The following RALYL variants were observed in gnomAD, a reference collection of about 807,000 sequenced individuals.
The protein encoded by RALYL is RNA-binding Raly-like protein.
Under a neutral mutation model 35.1 loss-of-function variants are expected in RALYL, and 29 were observed. The observed-to-expected ratio is 0.83, with a 90% CI of 0.61 to 1.13. The LOEUF is 1.13. Among genes scored for constraint, RALYL ranks in the 50% most tolerant of loss-of-function variants. RALYL has a pLI of 0.00. For synonymous variants in RALYL, 120 were observed against 127.6 expected (o/e 0.94, Z 0.40); for missense variants, 359 against 360.4 (o/e 1.00, Z 0.03).
intron 1 of RALYL, among the ~76,000 whole-genome samples, chr8:84,449,998 G>C (rs139806151): frequency 2.0e-5 from 3 of 151,688 alleles, no homozygotes; most frequent in African/African-American, 7.2e-5. Context: ...TGAACGCATA[G>C]AAGGCGTTCA....
chr8:84,485,578 C>CA (rs1214478402), intron 1 of RALYL, among the ~76,000 whole-genome samples: 1 of 151,994 alleles, frequency 6.6e-6, no homozygotes, highest in African/African-American at 2.4e-5. Context: ...GAGACTGCCT[C>CA]AAAACAAACA....
intron 2 of RALYL, among the ~76,000 whole-genome samples, chr8:84,766,738 A>C (rs1045550715): frequency 2.7e-5 from 4 of 148,486 alleles, no homozygotes; most frequent in African/African-American, 9.8e-5. Context: ...AAAAAAAAAA[A>C]AAAAAAAAAA....
At chr8:84,846,766 C>G (rs1834754951) in intron 4 of RALYL, among the ~76,000 whole-genome samples, 1 of 152,144 alleles carries the variant, frequency 6.6e-6, no homozygotes, top group Non-Finnish European at 1.5e-5. Flanking sequence ...AGGAATTTAT[C>G]CATTTTCTCT....
At chr8:84,335,602 A>G (rs1472772092) in intron 1 of RALYL, among the ~76,000 whole-genome samples, 1 of 151,714 alleles carries the variant, frequency 6.6e-6, no homozygotes, top group Admixed American at 6.6e-5. Flanking sequence ...AAGGAAAGCA[A>G]TCTTCTCCCC....
intron 2 of RALYL, among the ~76,000 whole-genome samples, chr8:84,650,517 A>G (rs1315901464): frequency 1.3e-5 from 2 of 152,120 alleles, no homozygotes; most frequent in African/African-American, 2.4e-5. Flanking sequence ...AAAAACCACA[A>G]TGAGATACCA....
chr8:84,463,851 A>G (rs1475785746), intron 1 of RALYL, among the ~76,000 whole-genome samples: 1 of 152,044 alleles, frequency 6.6e-6, no homozygotes, highest in Non-Finnish European at 1.5e-5. Flanking sequence ...ACCCACAATC[A>G]TGGTGTAGAA....
At chr8:84,199,307 G>A (rs1233824817) in intron 1 of RALYL, among the ~76,000 whole-genome samples, 22 of 152,136 alleles carry the variant, frequency 1.4e-4, no homozygotes, top group East Asian at 3.8e-4. Flanking sequence ...TTTGAGAAAT[G>A]TCTATTCAAA....
chr8:84,239,377 C>T (rs7825715), intron 1 of RALYL, among the ~76,000 whole-genome samples: 85,564 of 152,010 alleles, frequency 0.56, 24,224 homozygotes, highest in South Asian at 0.65. Flanking sequence ...CAAAATCCAA[C>T]TGTAATATGC....
intron 1 of RALYL, among the ~76,000 whole-genome samples, chr8:84,211,283 A>C (rs945726849): frequency 2.6e-5 from 4 of 152,296 alleles, no homozygotes; most frequent in African/African-American, 9.6e-5. Flanking sequence ...CTTAAAGATC[A>C]TAAGAATTAG....
intron 2 of RALYL, among the ~76,000 whole-genome samples, chr8:84,690,993 A>G (rs1177700276): frequency 6.6e-6 from 1 of 152,124 alleles, no homozygotes; most frequent in Non-Finnish European, 1.5e-5. Flanking sequence ...CTAATTTTTT[A>G]TCTTTGTAAG....
At chr8:84,283,450 C>T (rs1385909166) in intron 1 of RALYL, among the ~76,000 whole-genome samples, 4 of 152,128 alleles carry the variant, frequency 2.6e-5, no homozygotes, top group African/African-American at 9.7e-5. Context: ...AATGATTTCC[C>T]TTGTTCCCTC....
chr8:84,603,296 CTT>C (rs1402724360), intron 2 of RALYL, among the ~76,000 whole-genome samples: 1 of 151,880 alleles, frequency 6.6e-6, no homozygotes, highest in African/African-American at 2.4e-5. Flanking sequence ...CTTATATGAG[CTT>C]GCTATTATTA....
rs1239064221 is a variant in RALYL at position 84,644,628 on chromosome 8, G to A, written c.256+115051G>A. 2.0e-5 allele frequency among the ~76,000 whole-genome samples: 3 copies of A among 152,000 alleles called. No homozygotes were observed. In the East Asian group the frequency reaches 5.8e-4, roughly 29 times the overall value. On this transcript the variant is annotated intron_variant, in intron 2 of 8. Coordinates refer to ENST00000521268, the MANE Select transcript of RALYL (RefSeq NM_173848.7). ...TTCTGGCTTAAATTCTACTTTATCTGCAACAGGATTCCATCCCTGCCTTCC... is the reference window on the plus strand; with the variant it reads ...TTCTGGCTTAAATTCTACTTTATCTACAACAGGATTCCATCCCTGCCTTCC...
chr8:84,618,547 C>G (rs1227487857), intron 2 of RALYL, among the ~76,000 whole-genome samples: 1 of 130,668 alleles, frequency 7.7e-6, no homozygotes, highest in Non-Finnish European at 1.6e-5. Context: ...AAAACCAGCT[C>G]CTGGATTCAT....
chr8:84,456,690 C>G (rs942069002), intron 1 of RALYL, among the ~76,000 whole-genome samples: 4 of 151,976 alleles, frequency 2.6e-5, no homozygotes, highest in Non-Finnish European at 4.4e-5. Context: ...AAGATACATT[C>G]TGAATACAAG....
chr8:84,713,952 A>G (rs1013208826), intron 2 of RALYL, among the ~76,000 whole-genome samples: 5 of 151,528 alleles, frequency 3.3e-5, no homozygotes, highest in Non-Finnish European at 7.4e-5. Context: ...GTAAATGTCC[A>G]TACACAGATG....
chr8:84,694,174 GT>G, intron 2 of RALYL, among the ~76,000 whole-genome samples: 1 of 151,938 alleles, frequency 6.6e-6, no homozygotes, highest in African/African-American at 2.4e-5. Context: ...TGAATTTTCT[GT>G]TTGCAGATGA....
chr8:84,687,575 T>C (rs1162239741), intron 2 of RALYL, among the ~76,000 whole-genome samples: 3 of 152,072 alleles, frequency 2.0e-5, no homozygotes, highest in African/African-American at 2.4e-5. Context: ...GACAAGTATC[T>C]TGTTTAGCTC....
At chr8:84,319,011 T>A (rs1844310347) in intron 1 of RALYL, among the ~76,000 whole-genome samples, 1 of 151,784 alleles carries the variant, frequency 6.6e-6, no homozygotes, top group South Asian at 2.1e-4. Context: ...CAGAGTTACG[T>A]GAATTTAAGT....
Sources: allele counts gnomAD v4.1 joint callset (sites outside exome capture counted in the v4.1 genomes callset), GRCh38; gene constraint gnomAD v4.1.1; transcripts MANE v1.5; gene names NCBI Gene and HGNC (gene_info 2026-07-23, HGNC 2026-07-21).